Variants in TMEM210 observed in about 807,000 individuals in gnomAD.
TMEM210 encodes transmembrane protein 210.
Under a neutral mutation model 10.3 loss-of-function variants are expected in TMEM210, and 7 were observed. That is an observed-to-expected ratio of 0.68 (90% CI 0.39 to 1.28). TMEM210 has a LOEUF of 1.28. Ranked by LOEUF, TMEM210 falls within the 50% of genes most tolerant of loss-of-function variation. TMEM210 has a pLI of 0.01. For synonymous variants in TMEM210, 79 were observed against 81.2 expected, an observed-to-expected ratio of 0.97 and a Z score of 0.14; for missense variants, 185 against 197.8, an observed-to-expected ratio of 0.94 and a Z score of 0.39.
rs1834099237 is a variant in TMEM210 at position 137,171,156 on chromosome 9, T to C, written c.263A>G (p.Glu88Gly). The C allele has an allele frequency of 6.5e-7, 1 of 1,534,584 alleles. No individual in the cohort carries two copies. The highest frequency in any genetic ancestry group is 2.0e-5 in the Admixed American group (1 of 50,908). ...CPRQVDNRLV[E>G]NFGVQEDLMD... ...GAGATCTTCCTGGACCCCAAAATTC[T>C]CCACCAACCTGCATGACGGGCCGGG... Residue 88 changes from glutamate (E) to glycine (G), a missense_variant, in exon 4 of 4, where the codon GAG (glutamate) becomes GGG (glycine). Transcript: ENST00000413619.
chr9:137,171,361 A>G, intron 3 of TMEM210, 53 bp downstream of exon 3: 1 of 1,534,538 alleles, frequency 6.5e-7, no homozygotes, highest in South Asian at 1.2e-5. Flanking sequence ...TCCCCCCGCC[A>G]AGGGCCTCCC....
At chr9:137,171,580 G>C in intron 2 of TMEM210, 61 bp downstream of exon 2, 1 of 1,527,376 alleles carries the variant, frequency 6.5e-7, no homozygotes, top group South Asian at 1.2e-5. Context: ...GCAAGACCAA[G>C]GGCCCAGGGC....
chr9:137,170,917 G>C lies in TMEM210; in HGVS notation c.*58C>G, dbSNP rs1834093592. 5 of 1,478,148 alleles carry C rather than the reference G, an allele frequency of 3.4e-6. No individual in the cohort carries two copies. Among genetic ancestry groups the C allele is most frequent in the Admixed American group, 4.3e-5 (2 of 46,238 alleles). 91.6% of individuals were successfully genotyped at this position (1,478,148 alleles called of 1,614,324 possible). A position where few individuals can be genotyped will look rare whatever the true frequency, so the allele number is the denominator to read the frequency against. ...TGCCCTCAGGAGGGCCTGCAGGGAGGACAGTGCACAGCCACTAAATACGCT... is the reference window on the plus strand; with the variant it reads ...TGCCCTCAGGAGGGCCTGCAGGGAGCACAGTGCACAGCCACTAAATACGCT... On this transcript the variant is annotated 3_prime_UTR_variant, in exon 4 of 4. Transcript: ENST00000413619.
intron 2 of TMEM210, 67 bp downstream of exon 2, chr9:137,171,574 G>A: frequency 6.5e-7 from 1 of 1,528,902 alleles, no homozygotes; most frequent in Non-Finnish European, 8.8e-7. Context: ...CTTCTTGCAA[G>A]ACCAAGGGCC....
chr9:137,171,763 A>G lies in TMEM210; in HGVS notation c.102T>C (p.Cys34=). ...CGCGGCTGAGGCCAAGGCTGCATTCACAGTAGGTTCCAGCTGCAGAGACAG... is the reference window on the plus strand; with the variant it reads ...CGCGGCTGAGGCCAAGGCTGCATTCGCAGTAGGTTCCAGCTGCAGAGACAG... ...LLIPAAAGTY[C]ECSLGLSREA... Residue 34 remains cysteine, a synonymous_variant, in exon 2 of 4, where the codon TGT becomes TGC. Coordinates refer to ENST00000413619, the MANE Select transcript of TMEM210 (RefSeq NM_001282477.2). 1.3e-6 allele frequency: 2 copies of G among 1,532,722 alleles called. No homozygotes were observed. Among genetic ancestry groups the G allele is most frequent in the Admixed American group, 2.0e-5 (1 of 50,640 alleles). The allele number at this position is 1,532,722 out of a possible 1,614,324, so 94.9% of individuals were successfully genotyped here.
chr9:137,170,887 C>G lies in TMEM210; in HGVS notation c.*88G>C. On this transcript the variant is annotated 3_prime_UTR_variant, in exon 4 of 4. Coordinates refer to ENST00000413619, the MANE Select transcript of TMEM210 (RefSeq NM_001282477.2). ...CTAAACAAGCTTTAATTCCCCTCCC[C>G]CAGCTGCCCTCAGGAGGGCCTGCAG... 1 of 1,385,782 alleles carries G rather than the reference C, an allele frequency of 7.2e-7. No homozygotes were observed. Among genetic ancestry groups the G allele is most frequent in the South Asian group, 1.4e-5 (1 of 69,644 alleles). The allele number at this position is 1,385,782 out of a possible 1,614,324, so 85.8% of individuals were successfully genotyped here.
chr9:137,171,896 G>T, intron 1 of TMEM210, 44 bp downstream of exon 1: 1 of 1,434,890 alleles, frequency 7.0e-7, no homozygotes, highest in Non-Finnish European at 9.1e-7. Context: ...CCTGGGGAAG[G>T]GGAGCCATGG....
rs1463425865 is a variant in TMEM210, at chr9:137,171,980, C to T, written c.48G>A (p.Leu16=). 2.1e-6 allele frequency: 3 copies of T among 1,419,904 alleles called. No homozygotes were observed. Among genetic ancestry groups the T allele is most frequent in the East Asian group, 5.2e-5 (2 of 38,588 alleles). The allele number at this position is 1,419,904 out of a possible 1,614,324, so 88.0% of individuals were successfully genotyped here. The stretch of plus-strand genomic sequence containing the variant: ...GCAGAAGGGACAAATATGTGAGGCC[C>T]AAGGGGCCACCACGCAGGCAGGACA... ...WPVSCLRGGP[L]GLTYLSLLLI... Residue 16 remains leucine, a synonymous_variant, in exon 1 of 4, where the codon TTG becomes TTA. Transcript: ENST00000413619.
At position 137,171,088 on chromosome 9, in the gene TMEM210, C is replaced by A; in HGVS notation, c.331G>T (p.Ala111Ser). The A allele has an allele frequency of 6.5e-7, 1 of 1,535,398 alleles. No individual in the cohort carries two copies. The highest frequency in any genetic ancestry group is 1.2e-5 in the South Asian group (1 of 84,056). ...GGCACCAGGGAGACCTCCAGGTCAGCGTCCATTAGCTGGGACTCCACGTAA... is the reference window on the plus strand; with the variant it reads ...GGCACCAGGGAGACCTCCAGGTCAGAGTCCATTAGCTGGGACTCCACGTAA... The part of the protein sequence containing the change: ...PVYVESQLMD[A>S]DLEVSLVPPL... Residue 111 changes from alanine to serine, a missense_variant, in exon 4 of 4, where the codon GCT (alanine) becomes TCT (serine). Transcript: ENST00000413619.
Position 137,172,010 on chromosome 9 carries a change from C to A in TMEM210, c.18G>T (p.Trp6Cys). Residue 6 changes from tryptophan (W) to cysteine (C), a missense_variant, in exon 1 of 4, where the codon TGG (tryptophan) becomes TGT (cysteine). Transcript: ENST00000413619. ...GGCCACCACGCAGGCAGGACACAGG[C>A]CAGGGACCGGGGGCCATGTCCAGCC... MAPGP[W>C]PVSCLRGGPL... 11 of 1,407,928 alleles carry A rather than the reference C, an allele frequency of 7.8e-6. No homozygotes were observed. Among genetic ancestry groups the A allele is most frequent in the Non-Finnish European group, 1.0e-5 (11 of 1,085,154 alleles). 87.2% of individuals were successfully genotyped at this position (1,407,928 alleles called of 1,614,324 possible). A position where few individuals can be genotyped will look rare whatever the true frequency, so the allele number is the denominator to read the frequency against.
chr9:137,171,203 C>T, intron 3 of TMEM210, 39 bp from the exon 4 acceptor site: 2 of 1,524,704 alleles, frequency 1.3e-6, no homozygotes, highest in Non-Finnish European at 1.8e-6. Context: ...TGGTAGAGTC[C>T]TTGTTCCCCC....
intron 2 of TMEM210, 76 bp from the exon 3 acceptor site, chr9:137,171,519 A>G (rs1834107066): frequency 6.5e-7 from 1 of 1,534,526 alleles, no homozygotes; most frequent in Admixed American, 2.0e-5. Flanking sequence ...CGCCTAGGAA[A>G]CGCCATTCCT....
At chr9:137,171,496 C>T (rs1237946117) in intron 2 of TMEM210, 53 bp from the exon 3 acceptor site, 7 of 1,535,404 alleles carry the variant, frequency 4.6e-6, no homozygotes, top group Non-Finnish European at 6.1e-6. Context: ...GCCCCCGGAG[C>T]TCCCCCAGCA....
intron 3 of TMEM210, 73 bp from the exon 4 acceptor site, chr9:137,171,237 G>C (rs1834100878): frequency 6.7e-7 from 1 of 1,492,746 alleles, no homozygotes; most frequent in Admixed American, 2.0e-5. Flanking sequence ...GTCTGGGACA[G>C]TGCACCCCCA....
At chr9:137,171,357 C>G (rs549873418) in intron 3 of TMEM210, 57 bp downstream of exon 3, 11 of 1,534,554 alleles carry the variant, frequency 7.2e-6, no homozygotes, top group African/African-American at 2.7e-5. Context: ...TAGCTCCCCC[C>G]GCCAAGGGCC....
At position 137,171,460 on chromosome 9, in the gene TMEM210, C is replaced by T. The variant is rs1364245695; in HGVS notation, c.225-17G>A. 6.5e-7 allele frequency: 1 copy of T among 1,535,538 alleles called. No individual in the cohort carries two copies. Reference sequence around the variant, plus strand: ...CATGTTTCACTGAGGGGACGAAGGCCAACATGAGTCCTGGAACAGTGCTGG... The same window carrying T: ...CATGTTTCACTGAGGGGACGAAGGCTAACATGAGTCCTGGAACAGTGCTGG... On this transcript the variant is annotated splice_polypyrimidine_tract_variant and intron_variant, in intron 2 of 3. Transcript: ENST00000413619.
chr9:137,171,208 T>C (rs1436266042), intron 3 of TMEM210, 44 bp from the exon 4 acceptor site: 16 of 1,521,906 alleles, frequency 1.1e-5, no homozygotes, highest in African/African-American at 1.4e-5. Flanking sequence ...GAGTCCTTGT[T>C]CCCCCAGGAC....
rs763617632 is a variant in TMEM210, at chr9:137,171,675, CGAG to C, written c.187_189del (p.Leu63del). ...CGCAAGACACCAATTGCCACGATGA[CGAG>C]GGCACAGAAGCAGCTGGCACTGATG... On this transcript the variant is annotated inframe_deletion, in exon 2 of 4. Transcript: ENST00000413619. 63 of 1,535,418 alleles carry C rather than the reference CGAG, an allele frequency of 4.1e-5. No homozygotes were observed. In the East Asian group the frequency reaches 7.8e-4, roughly 19 times the overall value.
Position 137,171,173 on chromosome 9 carries a change from C to A in TMEM210, c.255-9G>T, listed in dbSNP as rs1000093890. The A allele has an allele frequency of 6.5e-7, 1 of 1,533,312 alleles. No homozygotes were observed. Among genetic ancestry groups the A allele is most frequent in the Non-Finnish European group, 8.7e-7 (1 of 1,145,144 alleles). The allele number at this position is 1,533,312 out of a possible 1,614,324, so 95.0% of individuals were successfully genotyped here. ...CAAAATTCTCCACCAACCTGCATGACGGGCCGGGTCATCACGAGCTGGTAG... is the reference window on the plus strand; with the variant it reads ...CAAAATTCTCCACCAACCTGCATGAAGGGCCGGGTCATCACGAGCTGGTAG... On this transcript the variant is annotated splice_polypyrimidine_tract_variant and intron_variant, in intron 3 of 3. Transcript: ENST00000413619.
Sources: gnomAD v4.1 joint callset for allele counts on GRCh38, gnomAD v4.1.1 for gene constraint, MANE v1.5 for transcripts, NCBI Gene and HGNC (gene_info 2026-07-23, HGNC 2026-07-21) for gene names.